Variants in FYN observed in about 807,000 individuals in gnomAD.
FYN encodes FYN proto-oncogene, Src family tyrosine kinase.
Under a neutral mutation model 70.2 loss-of-function variants are expected in FYN, and 10 were observed. That is an observed-to-expected ratio of 0.14 (90% CI 0.09 to 0.24). FYN has a LOEUF of 0.24. FYN is among the 10% of genes least tolerant of loss of function. The pLI, the probability that FYN is intolerant of heterozygous loss-of-function variation, is 1.00. For synonymous variants in FYN, 236 were observed against 248.6 expected, an observed-to-expected ratio of 0.95 and a Z score of 0.48; for missense variants, 319 against 673.1, an observed-to-expected ratio of 0.47 and a Z score of 5.82.
chr6:111,819,570 A>C (rs1772593134), intron 2 of FYN, among the ~76,000 whole-genome samples: 1 of 152,150 alleles, frequency 6.6e-6, no homozygotes, highest in South Asian at 2.1e-4. Flanking sequence ...GACCCATATT[A>C]AATTGAGTTT....
intron 3 of FYN, among the ~76,000 whole-genome samples, chr6:111,745,831 C>T (rs1271813955): frequency 1.3e-5 from 2 of 152,174 alleles, no homozygotes; most frequent in African/African-American, 2.4e-5. Flanking sequence ...TAACACAGCC[C>T]ACAATACACT....
intron 3 of FYN, among the ~76,000 whole-genome samples, chr6:111,762,878 T>C (rs1348842884): frequency 1.3e-5 from 2 of 152,180 alleles, no homozygotes; most frequent in Non-Finnish European, 2.9e-5. Context: ...CGCATTCAAA[T>C]GGCTGGACAC....
intron 3 of FYN, among the ~76,000 whole-genome samples, chr6:111,727,493 G>GT (rs747270141): frequency 3.9e-5 from 6 of 152,162 alleles, no homozygotes; most frequent in Non-Finnish European, 7.4e-5. Flanking sequence ...TCTTGGTGAA[G>GT]CCTGTGAGGG....
At chr6:111,843,692 T>G (rs929626508) in intron 2 of FYN, among the ~76,000 whole-genome samples, 11 of 152,224 alleles carry the variant, frequency 7.2e-5, no homozygotes, top group African/African-American at 2.7e-4. Flanking sequence ...CACTCATTCA[T>G]GCCTGCTCAA....
chr6:111,819,824 A>C (rs1772601566), intron 2 of FYN: 1 of 152,180 alleles, frequency 6.6e-6, no homozygotes, highest in Admixed American at 6.5e-5. Flanking sequence ...AAAAATACCC[A>C]AATAAATTTA....
intron 2 of FYN, among the ~76,000 whole-genome samples, chr6:111,801,016 TCA>T (rs1771966160): frequency 6.6e-6 from 1 of 152,222 alleles, no homozygotes; most frequent in South Asian, 2.1e-4. Context: ...TCCTGATGCT[TCA>T]CAGACAGTAG....
chr6:111,804,623 T>C (rs1017253128), intron 2 of FYN, among the ~76,000 whole-genome samples: 2 of 152,104 alleles, frequency 1.3e-5, no homozygotes, highest in Non-Finnish European at 2.9e-5. Flanking sequence ...CCCTAGTCTT[T>C]GTTCACTGGG....
chr6:111,782,959 G>A (rs1018640613), intron 2 of FYN, among the ~76,000 whole-genome samples: 7 of 152,248 alleles, frequency 4.6e-5, no homozygotes, highest in South Asian at 4.1e-4. Flanking sequence ...TTGCACATGA[G>A]GTCCAGGACA....
chr6:111,734,611 T>C (rs1169862841), intron 3 of FYN, among the ~76,000 whole-genome samples: 1 of 152,076 alleles, frequency 6.6e-6, no homozygotes, highest in Non-Finnish European at 1.5e-5. Context: ...GGCTCTACCC[T>C]ACAGGGTTGC....
intron 12 of FYN, among the ~76,000 whole-genome samples, chr6:111,676,804 G>C (rs1258832958): frequency 6.6e-6 from 1 of 151,990 alleles, no homozygotes; most frequent in Non-Finnish European, 1.5e-5. Context: ...CCCCTTCTTT[G>C]AATCACTCAA....
chr6:111,869,385 A>G (rs944856083), intron 1 of FYN, among the ~76,000 whole-genome samples: 1 of 152,106 alleles, frequency 6.6e-6, no homozygotes, highest in Non-Finnish European at 1.5e-5. Context: ...AGGGAGTGGG[A>G]CTGTGATTTC....
intron 2 of FYN, among the ~76,000 whole-genome samples, chr6:111,781,604 C>T (rs904741814): frequency 5.3e-5 from 8 of 152,178 alleles, no homozygotes; most frequent in African/African-American, 1.9e-4. Flanking sequence ...AATGCTGTAA[C>T]GCCCAGAGGC....
intron 3 of FYN, among the ~76,000 whole-genome samples, chr6:111,740,133 T>C (rs1801894992): frequency 6.6e-6 from 1 of 152,136 alleles, no homozygotes; most frequent in Non-Finnish European, 1.5e-5. Flanking sequence ...GCTTATCAAC[T>C]AAAGGTTTTA....
intron 2 of FYN, among the ~76,000 whole-genome samples, chr6:111,812,284 C>A (rs978527854): frequency 6.6e-6 from 1 of 152,110 alleles, no homozygotes; most frequent in African/African-American, 2.4e-5. Context: ...GGGCAGATGG[C>A]GATGCTTCAG....
chr6:111,857,741 G>C (rs995989307), intron 1 of FYN, among the ~76,000 whole-genome samples: 2 of 152,144 alleles, frequency 1.3e-5, no homozygotes, highest in African/African-American at 4.8e-5. Context: ...AGTGGCTTCA[G>C]AGTTAAAACT....
intron 12 of FYN, among the ~76,000 whole-genome samples, chr6:111,693,173 G>A (rs555918748): frequency 6.6e-6 from 1 of 152,198 alleles, no homozygotes; most frequent in Non-Finnish European, 1.5e-5. Flanking sequence ...CAGATCAAAT[G>A]AAGGGAGAGG....
chr6:111,741,412 G>A (rs1204698147), intron 3 of FYN, among the ~76,000 whole-genome samples: 5 of 152,154 alleles, frequency 3.3e-5, no homozygotes, highest in Non-Finnish European at 7.3e-5. Flanking sequence ...TAATGCATAC[G>A]TGTGCATCTG....
chr6:111,682,436 C>T (rs750655963), intron 12 of FYN, among the ~76,000 whole-genome samples: 3 of 152,198 alleles, frequency 2.0e-5, no homozygotes, highest in South Asian at 2.1e-4. Flanking sequence ...CTGTTTTTCA[C>T]TTCTGCCTCA....
intron 1 of FYN, among the ~76,000 whole-genome samples, chr6:111,866,371 T>G (rs1006635452): frequency 6.6e-6 from 1 of 152,176 alleles, no homozygotes; most frequent in Non-Finnish European, 1.5e-5. Context: ...AGACAGAGCC[T>G]CACTCTCTCG....
Sources: gnomAD v4.1 joint callset for allele counts (sites outside exome capture counted in the v4.1 genomes callset) on GRCh38, gnomAD v4.1.1 for gene constraint, MANE v1.5 for transcripts, NCBI Gene and HGNC (gene_info 2026-07-23, HGNC 2026-07-21) for gene names.